PTPRU: variants seen among roughly 807,000 people sequenced by gnomAD.
PTPRU encodes the protein receptor-type tyrosine-protein phosphatase U.
A neutral mutation model predicts 166.3 loss-of-function variants in PTPRU; 69 were observed. The ratio of observed to expected loss-of-function variants is 0.41; its 90% CI spans 0.34 to 0.51. The LOEUF (loss-of-function observed/expected upper bound fraction) is 0.51, where lower values mean the gene tolerates loss of function less well. PTPRU is among the 20% of genes least tolerant of loss of function. The pLI is 0.09. For synonymous variants in PTPRU, 793 were observed against 814.0 expected, an observed-to-expected ratio of 0.97 and a Z score of 0.44; for missense variants, 1,657 against 2,013.7, an observed-to-expected ratio of 0.82 and a Z score of 3.39.
At position 29,279,822 on chromosome 1, in the gene PTPRU, T is replaced by C. The variant is rs1027019581; in HGVS notation, c.1765+165T>C. ...AAAGTCAGGCTCAGGGAGGATGAAGTCAGAGGAGTCAGGAGACTGGTCAGT... is the reference window on the plus strand; with the variant it reads ...AAAGTCAGGCTCAGGGAGGATGAAGCCAGAGGAGTCAGGAGACTGGTCAGT... On this transcript the variant is annotated intron_variant, in intron 10 of 29. Transcript: ENST00000373779. The surrounding 1 kb of genome is among the most constrained non-coding windows in gnomAD (Gnocchi z 5.2). Among the ~76,000 whole-genome samples the C allele has an allele frequency of 6.6e-6, 1 of 152,112 alleles. No individual in the cohort carries two copies. The highest frequency in any genetic ancestry group is 1.5e-5 in the Non-Finnish European group (1 of 68,010).
At chr1:29,319,939 G>C (rs1243051401) in intron 25 of PTPRU, among the ~76,000 whole-genome samples, 3 of 152,330 alleles carry the variant, frequency 2.0e-5, no homozygotes, top group African/African-American at 7.2e-5. Flanking sequence ...CCCCCTGGCA[G>C]GACGAGGGAG....
chr1:29,316,708 A>T (rs1339813523), intron 24 of PTPRU, among the ~76,000 whole-genome samples: 2 of 152,038 alleles, frequency 1.3e-5, no homozygotes, highest in Non-Finnish European at 1.5e-5. Context: ...GGCTCCCATC[A>T]TCTCTATTGT....
In PTPRU at chr1:29,315,567, A is replaced by G. The variant is rs1242911453; in HGVS notation, c.3363+60A>G. 1.2e-6 allele frequency: 2 copies of G among 1,604,134 alleles called. No homozygotes were observed. The highest frequency in any genetic ancestry group is 1.7e-6 in the Non-Finnish European group (2 of 1,173,142). On this transcript the variant is annotated intron_variant, in intron 23 of 29. Transcript: ENST00000373779. This position sits in a 1 kb window ranked among gnomAD's most constrained non-coding sequence, Gnocchi z 4.5. Reference sequence around the variant, plus strand: ...CTTCTAGGACTGGAGTTTCTCGTGAAGGATCCTGGAGCCGGCAGAGCATGC... The same window carrying G: ...CTTCTAGGACTGGAGTTTCTCGTGAGGGATCCTGGAGCCGGCAGAGCATGC...
rs767188478 is a variant in PTPRU, at chr1:29,311,649, T to A, written c.2962T>A (p.Cys988Ser). The A allele has an allele frequency of 3.1e-6, 5 of 1,614,002 alleles. No homozygotes were observed. In the East Asian group the frequency reaches 1.1e-4, roughly 36 times the overall value. The change falls in exon 21 of 30, where the codon TGC becomes AGC. Residue 988 changes from cysteine (C) to serine (S), a missense_variant. Transcript: ENST00000373779. This position sits in a 1 kb window ranked among gnomAD's most constrained non-coding sequence, Gnocchi z 4.1. ...CGTCCTGTGGGGCCTCTAGGTGAAA[T>A]GCTCACGGTACTGGCCGGAGGACTC... ...TKLVEVGRVK[C>S]SRYWPEDSDT...
intron 18 of PTPRU, among the ~76,000 whole-genome samples, chr1:29,308,682 G>T (rs968119317): frequency 7.3e-5 from 11 of 150,988 alleles, no homozygotes; most frequent in Non-Finnish European, 1.6e-4. Context: ...GTGATTATTT[G>T]CTATTTTGTG....
Position 29,260,620 on chromosome 1 carries a change from T to TC in PTPRU, c.864dup (p.Ile289HisfsTer35). 1.3e-6 allele frequency: 2 copies of TC among 1,500,408 alleles called. No individual in the cohort carries two copies. Among genetic ancestry groups the TC allele is most frequent in the Non-Finnish European group, 1.8e-6 (2 of 1,122,822 alleles). The allele number at this position is 1,500,408 out of a possible 1,614,324, so 92.9% of individuals were successfully genotyped here. On this transcript the variant is annotated frameshift_variant, in exon 7 of 30. Transcript: ENST00000373779. LOFTEE classifies it high-confidence loss of function. The surrounding 1 kb of genome is among the most constrained non-coding windows in gnomAD (Gnocchi z 8.3). ...CCCATCTCCTCGCAGAGCCCCCAACTCCCATCGCGCCCCCACAGCTGCTGC... is the reference window on the plus strand; with the variant it reads ...CCCATCTCCTCGCAGAGCCCCCAACTCCCCATCGCGCCCCCACAGCTGCTGC...
Position 29,320,543 on chromosome 1 carries a change from T to TG in PTPRU, c.3688-140dup. The TG allele has an allele frequency of 1.0e-6, 1 of 966,016 alleles. No homozygotes were observed. The highest frequency in any genetic ancestry group is 1.4e-6 in the Non-Finnish European group (1 of 701,384). The allele number at this position is 966,016 out of a possible 1,614,324, so 59.8% of individuals were successfully genotyped here. ...TCAGTGTGCCAACCAACATCAGAAATGGCCCACTGGAGGCAGCCTGGTCCT... is the reference window on the plus strand; with the variant it reads ...TCAGTGTGCCAACCAACATCAGAAATGGGCCCACTGGAGGCAGCCTGGTCCT... On this transcript the variant is annotated intron_variant, in intron 25 of 29. Transcript: ENST00000373779. This position sits in a 1 kb window ranked among gnomAD's most constrained non-coding sequence, Gnocchi z 5.2.
rs1210294751 is a variant in PTPRU, at chr1:29,279,751, T to C, written c.1765+94T>C. ...AGGGAAATGGGGGGCATCCTGGGGG[T>C]AGTTACAGAGGGCCCCTGCTGAGAT... On this transcript the variant is annotated intron_variant, in intron 10 of 29. Transcript: ENST00000373779. This position sits in a 1 kb window ranked among gnomAD's most constrained non-coding sequence, Gnocchi z 5.2. The C allele has an allele frequency of 1.5e-5, 21 of 1,431,028 alleles. No homozygotes were observed. Among genetic ancestry groups the C allele is most frequent in the Non-Finnish European group, 2.0e-5 (21 of 1,034,196 alleles). The allele number at this position is 1,431,028 out of a possible 1,614,324, so 88.6% of individuals were successfully genotyped here.
chr1:29,242,285 G>A (rs150636405), intron 1 of PTPRU, among the ~76,000 whole-genome samples: 186 of 152,300 alleles, frequency 1.2e-3, no homozygotes, highest in Non-Finnish European at 1.7e-3. Context: ...GGGTGTGGAC[G>A]TGTTGGGTGG....
chr1:29,261,406 A>G (rs1181556118), intron 7 of PTPRU, among the ~76,000 whole-genome samples: 1 of 152,220 alleles, frequency 6.6e-6, no homozygotes, highest in African/African-American at 2.4e-5. Context: ...CTTCCTTGTT[A>G]AAAAGGGCAA....
chr1:29,257,455 C>T lies in PTPRU; in HGVS notation c.206-1050C>T, dbSNP rs1351292380. On this transcript the variant is annotated intron_variant, in intron 2 of 29. Transcript: ENST00000373779. The surrounding 1 kb of genome is among the most constrained non-coding windows in gnomAD (Gnocchi z 4.6). Reference sequence around the variant, plus strand: ...GCTTGTGTTGGCTGGCAGCCAAGCCCGGGAGGAGGCAGCGCTGGGTGGTTT... The same window carrying T: ...GCTTGTGTTGGCTGGCAGCCAAGCCTGGGAGGAGGCAGCGCTGGGTGGTTT... 6.6e-6 allele frequency among the ~76,000 whole-genome samples: 1 copy of T among 152,084 alleles called. No homozygotes were observed. The highest frequency in any genetic ancestry group is 2.4e-5 in the African/African-American group (1 of 41,408).
intron 7 of PTPRU, among the ~76,000 whole-genome samples, chr1:29,270,144 A>G (rs561316725): frequency 6.6e-6 from 1 of 152,276 alleles, no homozygotes; most frequent in South Asian, 2.1e-4. Flanking sequence ...GCCAATTTAT[A>G]CTGCTACTGG....
At chr1:29,294,222 C>T (rs1345556316) in intron 15 of PTPRU, among the ~76,000 whole-genome samples, 1 of 152,214 alleles carries the variant, frequency 6.6e-6, no homozygotes, top group African/African-American at 2.4e-5. Context: ...TGTTGCTCTA[C>T]ATCAAGATCA....
chr1:29,323,241 TG>T, intron 26 of PTPRU, 129 bp from the exon 27 acceptor site: 1 of 1,260,494 alleles, frequency 7.9e-7, no homozygotes, highest in East Asian at 2.6e-5. Context: ...AAGGTGAGTC[TG>T]GAGTGAGTGG....
intron 1 of PTPRU, among the ~76,000 whole-genome samples, chr1:29,249,609 G>A (rs1684460204): frequency 6.6e-6 from 1 of 152,222 alleles, no homozygotes; most frequent in Admixed American, 6.5e-5. Flanking sequence ...GGGGCTCAGG[G>A]CATATGTGTG....
intron 15 of PTPRU, among the ~76,000 whole-genome samples, chr1:29,293,094 C>T (rs921789069): frequency 2.0e-5 from 3 of 152,202 alleles, no homozygotes; most frequent in Non-Finnish European, 4.4e-5. Context: ...ATTCTCCTGG[C>T]TCAGCCTCCT....
chr1:29,259,778 T>C, intron 5 of PTPRU, 92 bp from the exon 6 acceptor site: 4 of 1,389,074 alleles, frequency 2.9e-6, no homozygotes, highest in Non-Finnish European at 2.9e-6. Context: ...CCGCGCGGTG[T>C]AGTAGGGACG....
At chr1:29,310,914 G>A in intron 19 of PTPRU, 134 bp downstream of exon 19, 1 of 1,138,776 alleles carries the variant, frequency 8.8e-7, no homozygotes, top group East Asian at 2.3e-5. Context: ...CCATATTCTG[G>A]CTCCCTGCTT....
Position 29,236,592 on chromosome 1 carries a change from C to A in PTPRU, c.-53C>A. On this transcript the variant is annotated 5_prime_UTR_variant, in exon 1 of 30. Transcript: ENST00000373779. The surrounding 1 kb of genome is among the most constrained non-coding windows in gnomAD (Gnocchi z 4.6). ...CTCGCCTCGGGCTGGGCTCGGGCTC[C>A]GGGGGCGGCGTCCCCCGCGCCGGGC... is the stretch of plus-strand genomic sequence containing the variant. The A allele has an allele frequency of 8.4e-7, 1 of 1,193,936 alleles. No homozygotes were observed. Among genetic ancestry groups the A allele is most frequent in the Non-Finnish European group, 1.0e-6 (1 of 961,978 alleles). 74.0% of individuals were successfully genotyped at this position (1,193,936 alleles called of 1,614,324 possible). A position where few individuals can be genotyped will look rare whatever the true frequency, so the allele number is the denominator to read the frequency against.
Sources: gnomAD v4.1 joint callset for allele counts (sites outside exome capture counted in the v4.1 genomes callset) on GRCh38, gnomAD v4.1.1 for gene constraint, Gnocchi (gnomAD v3.1) non-coding constraint, MANE v1.5 for transcripts, NCBI Gene and HGNC (gene_info 2026-07-23, HGNC 2026-07-21) for gene names.